The following DPYD variants were observed in gnomAD, a reference collection of about 807,000 sequenced individuals.
The protein encoded by DPYD is dihydropyrimidine dehydrogenase, also known as dihydropyrimidine dehydrogenase [NADP(+)].
A neutral mutation model predicts 116.2 loss-of-function variants in DPYD; 109 were observed. The ratio of observed to expected loss-of-function variants is 0.94; its 90% confidence interval spans 0.80 to 1.10. DPYD has a LOEUF of 1.10. Ranked by LOEUF, DPYD falls within the 50% of genes least tolerant of loss-of-function variation. The pLI, the probability that DPYD is intolerant of heterozygous loss-of-function variation, is 0.00. For synonymous variants in DPYD, 440 were observed against 432.0 expected, an observed-to-expected ratio of 1.02 and a Z score of -0.23; for missense variants, 1,302 against 1,254.5, an observed-to-expected ratio of 1.04 and a Z score of -0.57.
At chr1:97,433,561 T>A (rs964346874) in intron 14 of DPYD, among the ~76,000 whole-genome samples, 13 of 152,180 alleles carry the variant, frequency 8.5e-5, no homozygotes, top group Non-Finnish European at 4.4e-5. Flanking sequence ...GTGGCTTATA[T>A]CTTTTGTTAT....
At chr1:97,687,986 G>C (rs1660822668) in intron 7 of DPYD, among the ~76,000 whole-genome samples, 1 of 152,158 alleles carries the variant, frequency 6.6e-6, no homozygotes, top group Non-Finnish European at 1.5e-5. Flanking sequence ...GTGGGGCAGG[G>C]ACAGGGAGAG....
chr1:97,900,331 G>T (rs1673297944), intron 1 of DPYD, among the ~76,000 whole-genome samples: 1 of 151,794 alleles, frequency 6.6e-6, no homozygotes, highest in Non-Finnish European at 1.5e-5. Flanking sequence ...GCCGCTTTTA[G>T]CAATTTTTCC....
Position 97,243,658 on chromosome 1 carries a change from T to C in DPYD, c.2300-8664A>G, listed in dbSNP as rs61214883. Among the ~76,000 whole-genome samples the C allele has an allele frequency of 9.0e-3, 1,371 of 152,000 alleles. 19 individuals carry two copies. Among genetic ancestry groups the C allele is most frequent in the African/African-American group, 0.031 (1,271 of 41,526 alleles). On this transcript the variant is annotated intron_variant, in intron 18 of 22. Coordinates refer to ENST00000370192, the MANE Select transcript of DPYD (RefSeq NM_000110.4). ...ATAAAGATATATTATCCAGGTATGA[T>C]AAAACCATAAAAATCAACATTATAG...
intron 11 of DPYD, among the ~76,000 whole-genome samples, chr1:97,572,321 C>T (rs893578451): frequency 2.0e-5 from 3 of 151,840 alleles, no homozygotes; most frequent in Non-Finnish European, 4.4e-5. Context: ...CACATGCCTG[C>T]GCGCACACAC....
At chr1:97,909,691 T>C (rs1168903773) in intron 1 of DPYD, among the ~76,000 whole-genome samples, 1 of 152,064 alleles carries the variant, frequency 6.6e-6, no homozygotes, top group African/African-American at 2.4e-5. Context: ...TTCTTGGCTA[T>C]CTTCTCCTCT....
chr1:97,454,570 G>T (rs1238204164), intron 13 of DPYD, among the ~76,000 whole-genome samples: 1 of 151,890 alleles, frequency 6.6e-6, no homozygotes, highest in Non-Finnish European at 1.5e-5. Context: ...GATGTTTATA[G>T]AAAAGGAAGT....
intron 14 of DPYD, among the ~76,000 whole-genome samples, chr1:97,386,953 A>G (rs1271435723): frequency 6.6e-6 from 1 of 152,052 alleles, no homozygotes; most frequent in Non-Finnish European, 1.5e-5. Context: ...GCAGGAGGGA[A>G]CAGATTTTTT....
chr1:97,760,708 G>A (rs1287377201), intron 3 of DPYD, among the ~76,000 whole-genome samples: 1 of 152,044 alleles, frequency 6.6e-6, no homozygotes, highest in Non-Finnish European at 1.5e-5. Flanking sequence ...AGATACTTCA[G>A]GGATCAGAGA....
At chr1:97,768,903 T>G (rs1277184904) in intron 3 of DPYD, among the ~76,000 whole-genome samples, 2 of 151,482 alleles carry the variant, frequency 1.3e-5, no homozygotes, top group Non-Finnish European at 2.9e-5. Context: ...ATAAAATAAA[T>G]GGGAAATAAA....
chr1:97,914,446 T>A (rs1674122257), intron 1 of DPYD, among the ~76,000 whole-genome samples: 1 of 152,150 alleles, frequency 6.6e-6, no homozygotes, highest in South Asian at 2.1e-4. Flanking sequence ...CAGAAAAAAA[T>A]TAATGTCAAA....
chr1:97,118,363 TTA>T (rs1302864049), intron 20 of DPYD, among the ~76,000 whole-genome samples: 1 of 152,166 alleles, frequency 6.6e-6, no homozygotes, highest in East Asian at 1.9e-4. Context: ...AACCTTCTGC[TTA>T]AACTCTCTTT....
chr1:97,427,263 T>C (rs1424706838), intron 14 of DPYD, among the ~76,000 whole-genome samples: 3 of 152,096 alleles, frequency 2.0e-5, no homozygotes, highest in South Asian at 2.1e-4. Context: ...TTTTCTGATA[T>C]TGGAAGTCTT....
intron 13 of DPYD, among the ~76,000 whole-genome samples, chr1:97,487,054 T>G (rs1678679828): frequency 1.3e-5 from 2 of 152,256 alleles, no homozygotes; most frequent in Middle Eastern, 7.2e-3. Flanking sequence ...ATATTTCACA[T>G]ACTTTTTAAG....
chr1:97,807,735 T>C (rs1206786157), intron 3 of DPYD, among the ~76,000 whole-genome samples: 2 of 152,124 alleles, frequency 1.3e-5, no homozygotes, highest in African/African-American at 4.8e-5. Flanking sequence ...ATCTATATTT[T>C]CTATGTTATC....
chr1:97,480,764 T>G (rs2101879717), intron 13 of DPYD, among the ~76,000 whole-genome samples: 1 of 152,274 alleles, frequency 6.6e-6, no homozygotes, highest in Admixed American at 6.5e-5. Flanking sequence ...GCAGATCACC[T>G]GAGGTCAGGA....
chr1:97,797,546 C>T (rs1450045850), intron 3 of DPYD: 2 of 151,936 alleles, frequency 1.3e-5, no homozygotes, highest in Non-Finnish European at 2.9e-5. Context: ...GAATTAGAAG[C>T]GTATATTTGA....
intron 10 of DPYD, 148 bp from the exon 11 acceptor site, chr1:97,574,118 A>T: frequency 7.3e-7 from 1 of 1,365,834 alleles, no homozygotes; most frequent in Non-Finnish European, 9.9e-7. Context: ...TTCAGTTACC[A>T]GTTATTTGCA....
At chr1:97,638,925 C>T (rs1441685410) in intron 8 of DPYD, among the ~76,000 whole-genome samples, 1 of 152,114 alleles carries the variant, frequency 6.6e-6, no homozygotes, top group African/African-American at 2.4e-5. Context: ...CACATTTCAA[C>T]ATAAGATTTG....
chr1:97,662,157 C>T (rs1659303773), intron 8 of DPYD, among the ~76,000 whole-genome samples: 1 of 151,314 alleles, frequency 6.6e-6, no homozygotes, highest in Non-Finnish European at 1.5e-5. Context: ...CCAGCCACCA[C>T]ATCCGGCTAA....
Sources: gnomAD v4.1 joint callset for allele counts (sites outside exome capture counted in the v4.1 genomes callset) on GRCh38, gnomAD v4.1.1 for gene constraint, MANE v1.5 for transcripts, NCBI Gene and HGNC (gene_info 2026-07-23, HGNC 2026-07-21) for gene names.